The following CDH12 variants were observed in gnomAD, a reference collection of about 807,000 sequenced individuals.
The protein encoded by CDH12 is cadherin 12, also known as cadherin-12.
CDH12 carries 41 observed loss-of-function variants against 74.1 expected under a neutral mutation model. The observed-to-expected ratio is 0.55, with a 90% confidence interval of 0.43 to 0.72. The LOEUF is 0.72. Ranked by LOEUF, CDH12 falls within the 30% of genes least tolerant of loss-of-function variation. CDH12 has a pLI of 0.00. For synonymous variants in CDH12, 399 were observed against 355.0 expected (o/e 1.12, Z -1.39); for missense variants, 945 against 977.2 (o/e 0.97, Z 0.44).
chr5:22,659,100 G>T (rs1180957806), intron 1 of CDH12, among the ~76,000 whole-genome samples: 1 of 152,066 alleles, frequency 6.6e-6, no homozygotes, highest in Non-Finnish European at 1.5e-5. Context: ...TTTAAAGAAA[G>T]ATCTAAATCT....
Position 21,767,888 on chromosome 5 carries a change from T to C in CDH12, c.1394-2789A>G, listed in dbSNP as rs536004668. On this transcript the variant is annotated intron_variant, in intron 11 of 14. Coordinates refer to ENST00000382254, the MANE Select transcript of CDH12 (RefSeq NM_004061.5). The stretch of plus-strand genomic sequence containing the variant: ...TTGAAATTTTCACAAGAATGAATAA[T>C]GCATAGGAGTAATACAGCATACTTT... 4.6e-5 allele frequency among the ~76,000 whole-genome samples: 7 copies of C among 151,848 alleles called. No homozygotes were observed. In the East Asian group the frequency reaches 1.3e-3, roughly 29 times the overall value.
chr5:22,725,454 T>G (rs1744116629), intron 1 of CDH12, among the ~76,000 whole-genome samples: 1 of 151,806 alleles, frequency 6.6e-6, no homozygotes, highest in Non-Finnish European at 1.5e-5. Flanking sequence ...CAGCATGAAT[T>G]GAATATAACA....
intron 1 of CDH12, among the ~76,000 whole-genome samples, chr5:22,749,737 A>G (rs1745468821): frequency 6.6e-6 from 1 of 152,198 alleles, no homozygotes; most frequent in African/African-American, 2.4e-5. Context: ...TTGATTTCTG[A>G]TAGAATTTGA....
chr5:22,329,464 T>C (rs1470136017), intron 3 of CDH12, among the ~76,000 whole-genome samples: 1 of 152,156 alleles, frequency 6.6e-6, no homozygotes, highest in African/African-American at 2.4e-5. Flanking sequence ...GATGGAAGAA[T>C]AGAAGCTTAC....
intron 6 of CDH12, among the ~76,000 whole-genome samples, chr5:21,861,973 T>C (rs532956587): frequency 6.6e-6 from 1 of 152,076 alleles, no homozygotes; most frequent in African/African-American, 2.4e-5. Context: ...GTATTATATC[T>C]GTGTCTATCT....
At chr5:22,289,985 A>G (rs531123866) in intron 3 of CDH12, among the ~76,000 whole-genome samples, 1 of 152,234 alleles carries the variant, frequency 6.6e-6, no homozygotes, top group East Asian at 1.9e-4. Context: ...GACAGCACTC[A>G]GTGGCAGGCA....
chr5:22,835,865 G>A (rs542473751), intron 1 of CDH12, among the ~76,000 whole-genome samples: 1 of 152,256 alleles, frequency 6.6e-6, no homozygotes, highest in Admixed American at 6.5e-5. Flanking sequence ...GGACAATAAA[G>A]AGCCAGCAAT....
At chr5:21,887,350 G>A (rs879584099) in intron 6 of CDH12, among the ~76,000 whole-genome samples, 2 of 152,146 alleles carry the variant, frequency 1.3e-5, no homozygotes, top group Non-Finnish European at 2.9e-5. Context: ...AAAAATGCAT[G>A]ACTATAATAT....
chr5:22,389,923 C>T (rs1264581205), intron 3 of CDH12, among the ~76,000 whole-genome samples: 2 of 151,998 alleles, frequency 1.3e-5, no homozygotes, highest in Non-Finnish European at 2.9e-5. Flanking sequence ...GCTGGGATTA[C>T]AGGCGTGAGC....
At position 21,751,649 on chromosome 5, in the gene CDH12, TGTGA is replaced by T. The variant is rs1744070330; in HGVS notation, c.*84_*87del. 2.1e-6 allele frequency: 2 copies of T among 957,338 alleles called. No homozygotes were observed. The highest frequency in any genetic ancestry group is 4.5e-5 in the Admixed American group (2 of 44,394). 59.3% of individuals were successfully genotyped at this position (957,338 alleles called of 1,614,324 possible). ...GTGTGTGTTTGTGTGTGTGTGTGTG[TGTGA>T]GAGAGATTTCTATTAATATTTGTGT... is the stretch of plus-strand genomic sequence containing the variant. On this transcript the variant is annotated 3_prime_UTR_variant, in exon 15 of 15. Coordinates refer to ENST00000382254, the MANE Select transcript of CDH12 (RefSeq NM_004061.5).
chr5:22,487,775 T>C (rs1746672702), intron 2 of CDH12, among the ~76,000 whole-genome samples: 1 of 152,226 alleles, frequency 6.6e-6, no homozygotes, highest in South Asian at 2.1e-4. Flanking sequence ...TGTTTTAATG[T>C]GCATACCCAT....
intron 2 of CDH12, among the ~76,000 whole-genome samples, chr5:22,415,468 A>C (rs1251633317): frequency 6.6e-6 from 1 of 152,202 alleles, no homozygotes; most frequent in East Asian, 1.9e-4. Flanking sequence ...ATGAGATGTC[A>C]ATGAAAATGA....
chr5:22,018,737 G>A (rs936635022), intron 5 of CDH12, among the ~76,000 whole-genome samples: 1 of 152,148 alleles, frequency 6.6e-6, no homozygotes, highest in African/African-American at 2.4e-5. Flanking sequence ...AAAATGTGAT[G>A]TACTAATGAC....
At chr5:22,465,699 G>A (rs567852084) in intron 2 of CDH12, among the ~76,000 whole-genome samples, 17 of 151,988 alleles carry the variant, frequency 1.1e-4, no homozygotes, top group Non-Finnish European at 2.2e-4. Flanking sequence ...AACACTTGAC[G>A]TATTTCTCCC....
chr5:21,826,216 T>C (rs1579777362), intron 8 of CDH12, among the ~76,000 whole-genome samples: 2 of 152,282 alleles, frequency 1.3e-5, no homozygotes, highest in Admixed American at 1.3e-4. Context: ...TGGCAAAATA[T>C]CATCTTATTC....
intron 5 of CDH12, among the ~76,000 whole-genome samples, chr5:22,066,083 T>C (rs568323414): frequency 6.6e-6 from 1 of 152,302 alleles, no homozygotes; most frequent in East Asian, 1.9e-4. Context: ...ATCCCTTGAA[T>C]GAAGGTAAGG....
chr5:22,511,029 G>T (rs1048429072), intron 1 of CDH12, among the ~76,000 whole-genome samples: 2 of 151,754 alleles, frequency 1.3e-5, no homozygotes, highest in Non-Finnish European at 2.9e-5. Flanking sequence ...TAAGTAGCTG[G>T]GATTACAGAC....
At chr5:22,756,921 T>C (rs1363694556) in intron 1 of CDH12, among the ~76,000 whole-genome samples, 4 of 150,912 alleles carry the variant, frequency 2.7e-5, no homozygotes, top group East Asian at 2.0e-4. Flanking sequence ...ATCACACTAC[T>C]GCACTCCAGT....
chr5:22,213,115 G>A lies in CDH12; in HGVS notation c.-332-472C>T, dbSNP rs1751635741. 1.3e-5 allele frequency among the ~76,000 whole-genome samples: 2 copies of A among 152,144 alleles called. 1 individual carries two copies. Among genetic ancestry groups the A allele is most frequent in the South Asian group, 4.1e-4 (2 of 4,826 alleles). ...CTTAAAGCTGAAAAATGTTTAAAGC[G>A]ATGTGATCAAAGAGATAGCTGCACT... On this transcript the variant is annotated intron_variant, in intron 3 of 14. Coordinates refer to ENST00000382254, the MANE Select transcript of CDH12 (RefSeq NM_004061.5).
Sources: gnomAD v4.1 joint callset for allele counts (sites outside exome capture counted in the v4.1 genomes callset) on GRCh38, gnomAD v4.1.1 for gene constraint, MANE v1.5 for transcripts, NCBI Gene and HGNC (gene_info 2026-07-23, HGNC 2026-07-21) for gene names.